Variants in ZNF653 observed in about 807,000 individuals in gnomAD.
The protein encoded by ZNF653 is zinc finger protein 653, also known as 67 kDa zinc finger protein.
A neutral mutation model predicts 59.9 loss-of-function variants in ZNF653; 37 were observed. The observed-to-expected ratio is 0.62, with a 90% confidence interval of 0.48 to 0.81. The LOEUF (loss-of-function observed/expected upper bound fraction) is 0.81, where lower values mean the gene tolerates loss of function less well. Ranked by LOEUF, ZNF653 falls within the 40% of genes least tolerant of loss-of-function variation. The pLI is 0.00. For synonymous variants in ZNF653, 435 were observed against 371.8 expected (o/e 1.17, Z -1.96); for missense variants, 808 against 881.1 (o/e 0.92, Z 1.05).
At chr19:11,505,293 T>G in intron 1 of ZNF653, 195 bp downstream of exon 1, 1 of 549,948 alleles carries the variant, frequency 1.8e-6, no homozygotes, top group East Asian at 3.6e-5. Flanking sequence ...GATTGGGCAG[T>G]CGGAACGATG....
intron 7 of ZNF653, among the ~76,000 whole-genome samples, chr19:11,484,368 C>T (rs1971442666): frequency 6.6e-6 from 1 of 152,010 alleles, no homozygotes. Flanking sequence ...TGCACACTAC[C>T]AAGCCAACAT....
At chr19:11,491,594 CT>C (rs113281174) in intron 3 of ZNF653, among the ~76,000 whole-genome samples, 32 of 147,568 alleles carry the variant, frequency 2.2e-4, no homozygotes, top group Admixed American at 4.8e-4. Flanking sequence ...CTTGAATCCT[CT>C]TTTTTTTTTT....
chr19:11,505,332 C>G (rs1971701753), intron 1 of ZNF653, 156 bp downstream of exon 1: 9 of 736,450 alleles, frequency 1.2e-5, no homozygotes, highest in Non-Finnish European at 1.6e-5. Context: ...CAGGCGCGTC[C>G]CGGCCAGGCA....
rs753638795 is a variant in ZNF653 at position 11,487,470 on chromosome 19, C to T, written c.993G>A (p.Thr331=). The part of the protein sequence containing the change: ...IIAGPGYDAL[T]AEGIHLNMAA... ...CCATGTTGAGGTGAATGCCCTCGGC[C>T]GTGAGAGCGTCGTAACCAGGGCCCG... Residue 331 remains threonine, a synonymous_variant, in exon 4 of 9, where the codon ACG becomes ACA. Transcript: ENST00000293771. This position sits in a 1 kb window ranked among gnomAD's most constrained non-coding sequence, Gnocchi z 5.1. 14 of 1,613,328 alleles carry T rather than the reference C, an allele frequency of 8.7e-6. No homozygotes were observed. The highest frequency in any genetic ancestry group is 4.4e-5 in the South Asian group (4 of 91,092).
At position 11,495,916 on chromosome 19, in the gene ZNF653, C is replaced by T. The variant is rs778929573; in HGVS notation, c.559+34G>A. ...CTCGTAAGAAGCCCCCAGAAATGGG[C>T]GGCCCCCTATGTGCCCTCGCCCTGC... On this transcript the variant is annotated intron_variant, in intron 3 of 8. Coordinates refer to ENST00000293771, the MANE Select transcript of ZNF653 (RefSeq NM_138783.4). This position sits in a 1 kb window ranked among gnomAD's most constrained non-coding sequence, Gnocchi z 4.9. The T allele has an allele frequency of 9.4e-6, 15 of 1,591,996 alleles. No individual in the cohort carries two copies. Among genetic ancestry groups the T allele is most frequent in the Admixed American group, 8.6e-5 (5 of 57,908 alleles).
At position 11,484,071 on chromosome 19, in the gene ZNF653, C is replaced by T; in HGVS notation, c.1641G>A (p.Arg547=). 1 of 1,559,400 alleles carries T rather than the reference C, an allele frequency of 6.4e-7. No individual in the cohort carries two copies. Among genetic ancestry groups the T allele is most frequent in the Non-Finnish European group, 8.7e-7 (1 of 1,151,480 alleles). ...FKRKNHLEVH[R]RTHTGETPLQ... ...GGGGGGTCTCGCCGGTGTGGGTGCG[C>T]CGATGTACCTCCAGGTGGTTCTTCC... Residue 547 remains arginine (R), a synonymous_variant, in exon 8 of 9, where the codon CGG becomes CGA. Coordinates refer to ENST00000293771, the MANE Select transcript of ZNF653 (RefSeq NM_138783.4).
rs1229502053 is a variant in ZNF653 at position 11,484,103 on chromosome 19, A to T, written c.1609T>A (p.Phe537Ile). 1.3e-6 allele frequency: 2 copies of T among 1,557,674 alleles called. No homozygotes were observed. Among genetic ancestry groups the T allele is most frequent in the Non-Finnish European group, 1.7e-6 (2 of 1,150,578 alleles). Residue 537 changes from phenylalanine (F) to isoleucine (I), a missense_variant, in exon 8 of 9, where the codon TTC (phenylalanine) becomes ATC (isoleucine). Phe to Ile is a conservative substitution (Grantham distance 21). Transcript: ENST00000293771. ...ACCTCCAGGTGGTTCTTCCTCTTGA[A>T]GGACTTGCCGCAGGTCTCGCAGGTG... ...EFTCETCGKS[F>I]KRKNHLEVHR...
At chr19:11,493,501 C>G (rs1400859391) in intron 3 of ZNF653, among the ~76,000 whole-genome samples, 3 of 152,180 alleles carry the variant, frequency 2.0e-5, no homozygotes, top group African/African-American at 7.2e-5. Context: ...CCTGGGGTGG[C>G]AGCAGGGTTG....
Position 11,505,773 on chromosome 19 carries a change from G to T in ZNF653, c.14C>A (p.Ala5Glu). The T allele has an allele frequency of 7.2e-7, 1 of 1,391,472 alleles. No individual in the cohort carries two copies. Among genetic ancestry groups the T allele is most frequent in the Non-Finnish European group, 9.2e-7 (1 of 1,082,622 alleles). 86.2% of individuals were successfully genotyped at this position (1,391,472 alleles called of 1,614,324 possible). MAER[A>E]LEPEAEAEAE... is the part of the protein sequence containing the mutation. Reference sequence around the variant, plus strand: ...CTCCGCCTCCGCCTCGGGCTCTAGCGCCCGCTCCGCCATCCCCCCCACCCT... The same window carrying T: ...CTCCGCCTCCGCCTCGGGCTCTAGCTCCCGCTCCGCCATCCCCCCCACCCT... Residue 5 changes from alanine (A) to glutamate (E), a missense_variant, in exon 1 of 9, where the codon GCG (alanine) becomes GAG (glutamate). Transcript: ENST00000293771.
At chr19:11,505,082 C>T (rs1027089953) in intron 1 of ZNF653, 14 of 186,054 alleles carry the variant, frequency 7.5e-5, no homozygotes, top group Non-Finnish European at 2.2e-5. Context: ...GGGCTGAGTG[C>T]CCCAGGGTGT....
At chr19:11,500,839 T>C (rs1006259766) in intron 1 of ZNF653, 7 of 152,292 alleles carry the variant, frequency 4.6e-5, no homozygotes, top group African/African-American at 4.8e-5. Context: ...ATAGTAGTAG[T>C]GCTTCTGACA....
At position 11,487,716 on chromosome 19, in the gene ZNF653, G is replaced by A; in HGVS notation, c.747C>T (p.His249=). 2.5e-6 allele frequency: 4 copies of A among 1,613,730 alleles called. No homozygotes were observed. Among genetic ancestry groups the A allele is most frequent in the Non-Finnish European group, 3.4e-6 (4 of 1,179,944 alleles). ...CCTGCTCGGCCAGGCTTTCCACGTG[G>A]TGGACGTCAAAGGGAATGTGCACGC... is the stretch of plus-strand genomic sequence containing the variant. ...QEGVHIPFDV[H]HVESLAEQGT... is the part of the protein sequence containing the mutation. Residue 249 remains histidine, a synonymous_variant, in exon 4 of 9, where the codon CAC becomes CAT. Transcript: ENST00000293771. This position sits in a 1 kb window ranked among gnomAD's most constrained non-coding sequence, Gnocchi z 5.1.
Position 11,505,640 on chromosome 19 carries a change from G to C in ZNF653, c.147C>G (p.Leu49=), listed in dbSNP as rs555094127. Reference sequence around the variant, plus strand: ...GCACGTCGTACTTCTTCCGGGACTCGAGCCGTCGCCGGGCCCGGTCCGACT... The same window carrying C: ...GCACGTCGTACTTCTTCCGGGACTCCAGCCGTCGCCGGGCCCGGTCCGACT... ...LTESDRARRR[L]ESRKKYDVRR... is the part of the protein sequence containing the mutation. The change falls in exon 1 of 9, where the codon CTC becomes CTG. Residue 49 remains leucine, a synonymous_variant. Coordinates refer to ENST00000293771, the MANE Select transcript of ZNF653 (RefSeq NM_138783.4). 1.6e-5 allele frequency: 24 copies of C among 1,498,548 alleles called. No individual in the cohort carries two copies. Among genetic ancestry groups the C allele is most frequent in the Non-Finnish European group, 2.1e-5 (24 of 1,131,180 alleles). 92.8% of individuals were successfully genotyped at this position (1,498,548 alleles called of 1,614,324 possible).
At chr19:11,485,793 T>C (rs1971459472) in intron 6 of ZNF653, 23 bp from the exon 7 acceptor site, 1 of 1,591,970 alleles carries the variant, frequency 6.3e-7, no homozygotes. Context: ...CAGGCAGAAG[T>C]GGGTCCCATA....
rs1176237553 is a variant in ZNF653 at position 11,505,814 on chromosome 19, C to A, written c.-28G>T. ...CCCCCACCCTGGTTACCAGCCTCCCCCGTTGTTAGGAGCCAGACCGGAAGT... is the reference window on the plus strand; with the variant it reads ...CCCCCACCCTGGTTACCAGCCTCCCACGTTGTTAGGAGCCAGACCGGAAGT... On this transcript the variant is annotated 5_prime_UTR_variant, in exon 1 of 9. Transcript: ENST00000293771. The A allele has an allele frequency of 8.1e-6, 11 of 1,362,108 alleles. No individual in the cohort carries two copies. Among genetic ancestry groups the A allele is most frequent in the Non-Finnish European group, 1.0e-5 (11 of 1,058,786 alleles). The allele number at this position is 1,362,108 out of a possible 1,614,324, so 84.4% of individuals were successfully genotyped here.
chr19:11,501,392 T>TGGTCTCAAACTCCTG (rs1971643076), intron 1 of ZNF653, among the ~76,000 whole-genome samples: 1 of 152,092 alleles, frequency 6.6e-6, no homozygotes, highest in South Asian at 2.1e-4. Context: ...TTGCCCAAGC[T>TGGTCTCAAACTCCTG]GGTCTCAAAC....
In ZNF653 at chr19:11,483,559, G is replaced by T. The variant is rs1008802822; in HGVS notation, c.*123C>A. 7.0e-7 allele frequency: 1 copy of T among 1,427,032 alleles called. No homozygotes were observed. Among genetic ancestry groups the T allele is most frequent in the Non-Finnish European group, 9.2e-7 (1 of 1,088,476 alleles). The allele number at this position is 1,427,032 out of a possible 1,614,324, so 88.4% of individuals were successfully genotyped here. A position where few individuals can be genotyped will look rare whatever the true frequency, so the allele number is the denominator to read the frequency against. On this transcript the variant is annotated 3_prime_UTR_variant, in exon 9 of 9. Coordinates refer to ENST00000293771, the MANE Select transcript of ZNF653 (RefSeq NM_138783.4). ...TGCCCAGGGGGCCCAGCTCTGGGGC[G>T]GGGCGGGGGCGCCTCCTTCCGGCCC...
intron 6 of ZNF653, 150 bp from the exon 7 acceptor site, chr19:11,485,920 C>G (rs1481010788): frequency 1.5e-6 from 1 of 651,002 alleles, no homozygotes. Flanking sequence ...CAGAGATTCC[C>G]AGGGGCACAA....
chr19:11,484,215 T>C (rs1458367453), intron 7 of ZNF653, 74 bp from the exon 8 acceptor site: 10 of 1,183,974 alleles, frequency 8.4e-6, no homozygotes, highest in South Asian at 1.3e-5. Flanking sequence ...ACTCTGATGC[T>C]AGAAGGAGCA....
Sources: allele counts gnomAD v4.1 joint callset (sites outside exome capture counted in the v4.1 genomes callset), GRCh38; gene constraint gnomAD v4.1.1; non-coding constraint Gnocchi (gnomAD v3.1); transcripts MANE v1.5; gene names NCBI Gene and HGNC (gene_info 2026-07-23, HGNC 2026-07-21).